HEPH: variants seen among roughly 807,000 people sequenced by gnomAD.
HEPH encodes hephaestin.
HEPH carries 69 observed loss-of-function variants against 80.8 expected under a neutral mutation model. That is an observed-to-expected ratio of 0.85 (90% confidence interval 0.70 to 1.04). HEPH has a LOEUF of 1.04. Among genes scored for constraint, HEPH ranks in the 50% least tolerant of loss-of-function variants. HEPH has a pLI of 0.00. For synonymous variants in HEPH, 431 were observed against 322.8 expected (o/e 1.34, Z -3.60); for missense variants, 1,115 against 891.3 (o/e 1.25, Z -3.20).
chrX:66,195,298 A>C, intron 9 of HEPH, 69 bp downstream of exon 9: 4 of 886,851 alleles, frequency 4.5e-6, no homozygotes, highest in Non-Finnish European at 5.9e-6. Flanking sequence ...AAACAAATAA[A>C]TGGGAGATGG....
intron 1 of HEPH, among the ~76,000 whole-genome samples, chrX:66,168,905 G>A (rs192465576): frequency 3.6e-5 from 4 of 111,952 alleles, no homozygotes; most frequent in Middle Eastern, 4.6e-3. Context: ...TGTTTGTAAA[G>A]TGATTATAAC....
rs1259195783 is a variant in HEPH at position 66,260,168 on chromosome X, G to A, written c.3105G>A (p.Val1035=). The change falls in exon 19 of 21, where the codon GTG becomes GTA. Residue 1035 remains valine (V), a synonymous_variant. Coordinates refer to ENST00000343002, the MANE Select transcript of HEPH (RefSeq NM_001367233.3). ...FPGTFEVVEM[V]ASNPGTWLMH... ...GGACTTTTGAGGTTGTGGAGATGGT[G>A]GCCAGCAACCCTGGGACATGGCTGA... 3.3e-6 allele frequency: 4 copies of A among 1,206,533 alleles called. No homozygotes were observed. The highest frequency in any genetic ancestry group is 3.4e-6 in the Non-Finnish European group (3 of 891,165).
At chrX:66,220,483 G>A (rs1380604245) in intron 15 of HEPH, among the ~76,000 whole-genome samples, 1 of 111,310 alleles carries the variant, frequency 9.0e-6, no homozygotes, top group African/African-American at 3.3e-5. Flanking sequence ...CTGACCACTG[G>A]TACAGGAAGG....
chrX:66,192,293 A>G lies in HEPH; in HGVS notation c.1227A>G (p.Pro409=). ...GTACTGGGAAGAATTTGAGAGAGCCAGGCAGGTAAGAGGCAGTGGGATCCC... is the reference window on the plus strand; with the variant it reads ...GTACTGGGAAGAATTTGAGAGAGCCGGGCAGGTAAGAGGCAGTGGGATCCC... ...DGSTGKNLRE[P]GSISDKFFQK... Residue 409 remains proline, a synonymous_variant, in exon 7 of 21, where the codon CCA becomes CCG. Coordinates refer to ENST00000343002, the MANE Select transcript of HEPH (RefSeq NM_001367233.3). 1 of 1,205,885 alleles carries G rather than the reference A, an allele frequency of 8.3e-7. No individual in the cohort carries two copies. Among genetic ancestry groups the G allele is most frequent in the Non-Finnish European group, 1.1e-6 (1 of 890,994 alleles).
chrX:66,170,394 T>G, intron 1 of HEPH, 164 bp from the exon 2 acceptor site: 2 of 415,539 alleles, frequency 4.8e-6, no homozygotes, highest in Non-Finnish European at 8.3e-6. Flanking sequence ...ATTGAAAACT[T>G]ATTGAATTAA....
chrX:66,173,639 G>A lies in HEPH; in HGVS notation c.463G>A (p.Val155Ile). The A allele has an allele frequency of 3.3e-6, 4 of 1,210,745 alleles. No homozygotes were observed. The highest frequency in any genetic ancestry group is 4.5e-6 in the Non-Finnish European group (4 of 895,036). ...TGGGCCACTGAAAGCTGATGACTCT[G>A]TTCCCCCGGGGGGCAGCCATATCTA... ...SSGPLKADDS[V>I]PPGGSHIYNW... Residue 155 changes from valine (V) to isoleucine (I), a missense_variant, in exon 4 of 21, where the codon GTT (valine) becomes ATT (isoleucine). Physicochemically the swap from Val to Ile is conservative, Grantham distance 29. Transcript: ENST00000343002.
intron 15 of HEPH, among the ~76,000 whole-genome samples, chrX:66,230,671 T>C (rs2090090985): frequency 2.0e-5 from 2 of 102,215 alleles, no homozygotes; most frequent in African/African-American, 7.4e-5. Context: ...AGATTCTGGA[T>C]ATTAGCCCTT....
At chrX:66,225,683 G>C (rs765432966) in intron 15 of HEPH, among the ~76,000 whole-genome samples, 1 of 112,525 alleles carries the variant, frequency 8.9e-6, no homozygotes, top group Admixed American at 9.4e-5. Context: ...GCATTCCACT[G>C]GGGCAATTGC....
intron 15 of HEPH, among the ~76,000 whole-genome samples, chrX:66,246,138 G>T (rs1306771831): frequency 8.9e-6 from 1 of 112,133 alleles, no homozygotes; most frequent in Non-Finnish European, 1.9e-5. Context: ...CTGTCCATGA[G>T]AGGTGGAGGT....
chrX:66,238,667 T>G (rs2090454345), intron 15 of HEPH, among the ~76,000 whole-genome samples: 1 of 111,951 alleles, frequency 8.9e-6, no homozygotes, highest in Non-Finnish European at 1.9e-5. Flanking sequence ...TCTGTCTAGC[T>G]GCATTTAACA....
At chrX:66,212,096 ATGT>A (rs1325349802) in intron 15 of HEPH, among the ~76,000 whole-genome samples, 1 of 109,411 alleles carries the variant, frequency 9.1e-6, no homozygotes, top group Non-Finnish European at 1.9e-5. Context: ...ATAATTAGTA[ATGT>A]TGAGCATTTT....
At chrX:66,231,586 G>A (rs1229294816) in intron 15 of HEPH, among the ~76,000 whole-genome samples, 2 of 109,622 alleles carry the variant, frequency 1.8e-5, no homozygotes, top group Non-Finnish European at 3.8e-5. Flanking sequence ...TTTGTCTGTT[G>A]TTGGTGTATA....
rs947486919 is a variant in HEPH, at chrX:66,193,655, T to C, written c.1369+17T>C. On this transcript the variant is annotated intron_variant, in intron 8 of 20. Coordinates refer to ENST00000343002, the MANE Select transcript of HEPH (RefSeq NM_001367233.3). ...GAATCCTGGGTGAGGAATTTTTAAA[T>C]TATGAAATTCATTTACTAGAGCCAG... 1.1e-5 allele frequency: 13 copies of C among 1,157,968 alleles called. No individual in the cohort carries two copies. The highest frequency in any genetic ancestry group is 2.4e-4 in the Middle Eastern group (1 of 4,166).
At chrX:66,202,405 A>T (rs939867741) in intron 12 of HEPH, among the ~76,000 whole-genome samples, 2 of 111,891 alleles carry the variant, frequency 1.8e-5, no homozygotes, top group South Asian at 3.7e-4. Context: ...AGCACTGAGC[A>T]GCAAAGTAAG....
chrX:66,229,847 C>T (rs950826903), intron 15 of HEPH, among the ~76,000 whole-genome samples: 27 of 109,262 alleles, frequency 2.5e-4, no homozygotes, highest in Non-Finnish European at 4.4e-4. Context: ...CATATATATA[C>T]ATGTGCCATG....
intron 4 of HEPH, among the ~76,000 whole-genome samples, chrX:66,178,063 T>C (rs1197219557): frequency 8.9e-6 from 1 of 111,862 alleles, no homozygotes; most frequent in Non-Finnish European, 1.9e-5. Flanking sequence ...TCATTTACAT[T>C]AGGTATATCT....
Position 66,256,256 on chromosome X carries a change from C to T in HEPH, c.2822C>T (p.Ala941Val). The change falls in exon 17 of 21, where the codon GCA becomes GTA. Residue 941 changes from alanine (A) to valine (V), a missense_variant. Coordinates refer to ENST00000343002, the MANE Select transcript of HEPH (RefSeq NM_001367233.3). ...TCTTGGTATTTGGAGGAAAATGTGG[C>T]AACCCATGGGTCCCAGGATCCAGGC... is the stretch of plus-strand genomic sequence containing the variant. The part of the protein sequence containing the change: ...NKSWYLEENV[A>V]THGSQDPGSI... 1 of 1,210,909 alleles carries T rather than the reference C, an allele frequency of 8.3e-7. No homozygotes were observed. The highest frequency in any genetic ancestry group is 2.3e-4 in the Middle Eastern group (1 of 4,347).
chrX:66,228,626 A>G (rs979978785), intron 15 of HEPH, among the ~76,000 whole-genome samples: 1 of 112,564 alleles, frequency 8.9e-6, no homozygotes, highest in Non-Finnish European at 1.9e-5. Context: ...TTCATAATCT[A>G]TACATCTGAC....
chrX:66,177,254 G>T (rs183592294), intron 4 of HEPH, among the ~76,000 whole-genome samples: 2 of 111,697 alleles, frequency 1.8e-5, no homozygotes, highest in Admixed American at 1.9e-4. Context: ...AATTAAGGAG[G>T]GTTTCCTCTT....
Sources: gnomAD v4.1 joint callset for allele counts (sites outside exome capture counted in the v4.1 genomes callset) on GRCh38, gnomAD v4.1.1 for gene constraint, MANE v1.5 for transcripts, NCBI Gene and HGNC (gene_info 2026-07-23, HGNC 2026-07-21) for gene names.